The following BIRC6 variants were observed in gnomAD, a reference collection of about 807,000 sequenced individuals.
BIRC6 encodes dual E2 ubiquitin-conjugating enzyme/E3 ubiquitin-protein ligase BIRC6.
In BIRC6, 98 loss-of-function variants were observed where a neutral mutation model predicts 503.3. The observed-to-expected ratio is 0.19, with a 90% CI of 0.17 to 0.23. The LOEUF (loss-of-function observed/expected upper bound fraction) is 0.23. Ranked by LOEUF, BIRC6 falls within the 10% of genes least tolerant of loss-of-function variation. BIRC6 has a pLI of 1.00. For synonymous variants in BIRC6, 2,240 were observed against 2,078.7 expected, an observed-to-expected ratio of 1.08 and a Z score of -2.11; for missense variants, 5,360 against 5,806.0, an observed-to-expected ratio of 0.92 and a Z score of 2.50.
chr2:32,381,318 C>T (rs2037609190), intron 3 of BIRC6, among the ~76,000 whole-genome samples: 1 of 152,198 alleles, frequency 6.6e-6, no homozygotes, highest in South Asian at 2.1e-4. Context: ...CGGCTCACTG[C>T]AACCTCTGCC....
At chr2:32,507,840 A>T in intron 50 of BIRC6, 140 bp from the exon 51 acceptor site, 1 of 716,384 alleles carries the variant, frequency 1.4e-6, no homozygotes, top group Non-Finnish European at 2.2e-6. Flanking sequence ...TTGTCAAACT[A>T]TATTTTGTTG....
intron 49 of BIRC6, among the ~76,000 whole-genome samples, chr2:32,504,350 A>T (rs1271012225): frequency 1.3e-5 from 2 of 151,818 alleles, no homozygotes; most frequent in Non-Finnish European, 2.9e-5. Context: ...AAGGTGAAGG[A>T]TATATTGGAC....
In BIRC6 at chr2:32,501,735, T is replaced by A. The variant is rs2053221864; in HGVS notation, c.9054T>A (p.Thr3018=). ...MIIGASGLHL[T]KHENFHGGLD... ...TAGGAGCAAGTGGATTACATCTCAC[T>A]AAACATGAAAACTTTCATGGTGGGT... The change falls in exon 47 of 74, where the codon ACT becomes ACA. Residue 3018 remains threonine (T), a synonymous_variant. Transcript: ENST00000421745. 5 of 1,612,198 alleles carry A rather than the reference T, an allele frequency of 3.1e-6. No individual in the cohort carries two copies. The highest frequency in any genetic ancestry group is 1.3e-5 in the African/African-American group (1 of 74,788).
chr2:32,567,085 C>T (rs112769635), intron 65 of BIRC6, among the ~76,000 whole-genome samples: 1,646 of 152,312 alleles, frequency 0.011, 34 homozygotes, highest in African/African-American at 0.037. Context: ...ATTCACCTGC[C>T]TCAGCCTCCC....
chr2:32,455,082 AAATTAATT>A (rs1319764002), intron 23 of BIRC6, among the ~76,000 whole-genome samples: 1 of 152,168 alleles, frequency 6.6e-6, no homozygotes, highest in Non-Finnish European at 1.5e-5. Flanking sequence ...AACTGTATTG[AAATTAATT>A]ATCCTGGGCC....
chr2:32,603,202 A>C, intron 71 of BIRC6, 119 bp downstream of exon 71: 1 of 649,286 alleles, frequency 1.5e-6, no homozygotes, highest in East Asian at 3.0e-5. Context: ...ATTACTAGGA[A>C]ATGCATATTA....
intron 16 of BIRC6, 121 bp from the exon 17 acceptor site, chr2:32,441,208 A>G: frequency 1.4e-6 from 1 of 739,004 alleles, no homozygotes; most frequent in African/African-American, 1.8e-5. Flanking sequence ...TATCATTTTA[A>G]CTTGAGATTT....
At position 32,468,382 on chromosome 2, in the gene BIRC6, T is replaced by C. The variant is rs960075328; in HGVS notation, c.5781-55T>C. 13 of 1,371,722 alleles carry C rather than the reference T, an allele frequency of 9.5e-6. No individual in the cohort carries two copies. In the African/African-American group the frequency reaches 1.6e-4, roughly 17 times the overall value. The allele number at this position is 1,371,722 out of a possible 1,614,324, so 85.0% of individuals were successfully genotyped here. A position where few individuals can be genotyped will look rare whatever the true frequency, so the allele number is the denominator to read the frequency against. On this transcript the variant is annotated intron_variant, in intron 28 of 73. Coordinates refer to ENST00000421745, the MANE Select transcript of BIRC6 (RefSeq NM_016252.4). ...AGATTTAATTCTTAGTATTTGTACATGTACATAAAGAGGACATTACAAGAA... is the reference window on the plus strand; with the variant it reads ...AGATTTAATTCTTAGTATTTGTACACGTACATAAAGAGGACATTACAAGAA...
Position 32,467,600 on chromosome 2 carries a change from A to G in BIRC6, c.5432A>G (p.Asp1811Gly), listed in dbSNP as rs1179474612. Residue 1811 changes from aspartate (D) to glycine (G), a missense_variant, in exon 27 of 74, where the codon GAC (aspartate) becomes GGC (glycine). Transcript: ENST00000421745. ...GATGTATTGATTCCCACTTGTGGAG[A>G]CTTGGCCTCTTTGTCAATTGACATT... ...LTDVLIPTCG[D>G]LASLSIDIWT... 2 of 1,613,810 alleles carry G rather than the reference A, an allele frequency of 1.2e-6. No individual in the cohort carries two copies. Among genetic ancestry groups the G allele is most frequent in the Admixed American group, 3.3e-5 (2 of 59,996 alleles).
chr2:32,410,955 C>T (rs189289969), intron 9 of BIRC6, among the ~76,000 whole-genome samples: 102 of 152,308 alleles, frequency 6.7e-4, no homozygotes, highest in African/African-American at 2.4e-3. Context: ...CCTCCTCGGC[C>T]TCCCAAAGTG....
At chr2:32,447,599 G>A (rs1222599779) in intron 21 of BIRC6, among the ~76,000 whole-genome samples, 65 of 111,186 alleles carry the variant, frequency 5.8e-4, no homozygotes, top group African/African-American at 2.3e-3. Context: ...CTGGCCAGGC[G>A]GGGGGCTGAT....
intron 8 of BIRC6, among the ~76,000 whole-genome samples, chr2:32,405,925 T>G (rs1291290735): frequency 6.6e-6 from 1 of 152,228 alleles, no homozygotes; most frequent in East Asian, 1.9e-4. Flanking sequence ...TTCCTACAAA[T>G]GTTATTATGG....
intron 14 of BIRC6, among the ~76,000 whole-genome samples, chr2:32,435,847 G>A (rs1044405685): frequency 1.3e-5 from 2 of 152,094 alleles, no homozygotes; most frequent in African/African-American, 2.4e-5. Flanking sequence ...TGAAAATAAA[G>A]GTGAACTGTA....
chr2:32,594,017 G>C lies in BIRC6; in HGVS notation c.13458G>C (p.Glu4486Asp). The C allele has an allele frequency of 4.3e-6, 7 of 1,613,416 alleles. No individual in the cohort carries two copies. The highest frequency in any genetic ancestry group is 5.1e-6 in the Non-Finnish European group (6 of 1,179,552). ...TACCAGACATCCAAAAGACTGCTGA[G>C]ATAGTTTATGCAGCCACCACCAGTT... is the stretch of plus-strand genomic sequence containing the variant. ...LLVPDIQKTAEIVYAATTSLR... is the reference protein window; with the variant it reads ...LLVPDIQKTADIVYAATTSLR... The change falls in exon 67 of 74, where the codon GAG (glutamate) becomes GAC (aspartate). Residue 4486 changes from glutamate to aspartate, a missense_variant. By Grantham distance (45) the Glu-to-Asp change is conservative. Transcript: ENST00000421745.
chr2:32,509,957 C>T lies in BIRC6; in HGVS notation c.10200C>T (p.Leu3400=), dbSNP rs778740636. Residue 3400 remains leucine, a synonymous_variant, in exon 52 of 74, where the codon CTC becomes CTT. Coordinates refer to ENST00000421745, the MANE Select transcript of BIRC6 (RefSeq NM_016252.4). The part of the protein sequence containing the change: ...TRIGLKLIDI[L]LRNCAASGSD... ...TTGGCCTGAAGCTCATAGACATTCT[C>T]CTGAGAAATTGTGCAGCATCAGGCA... is the stretch of plus-strand genomic sequence containing the variant. 6.8e-6 allele frequency: 11 copies of T among 1,613,810 alleles called. No individual in the cohort carries two copies. The highest frequency in any genetic ancestry group is 2.2e-5 in the South Asian group (2 of 91,082).
At chr2:32,364,546 C>T (rs1277066066) in intron 1 of BIRC6, among the ~76,000 whole-genome samples, 1 of 152,078 alleles carries the variant, frequency 6.6e-6, no homozygotes, top group Non-Finnish European at 1.5e-5. Context: ...CAGCCCTGCT[C>T]AGTGTTCTTA....
chr2:32,515,538 C>T lies in BIRC6; in HGVS notation c.11117C>T (p.Ser3706Phe). Residue 3706 changes from serine to phenylalanine, a missense_variant, in exon 55 of 74, where the codon TCT (serine) becomes TTT (phenylalanine). Ser to Phe is a radical substitution (Grantham distance 155). This residue lies in a region of BIRC6 where 878 missense variants were observed against 928.9 expected (regional missense o/e 0.95). Transcript: ENST00000421745. The part of the protein sequence containing the change: ...SHIMKDWLGG[S>F]EVNPLWTALL... ...ATTATGAAAGATTGGCTTGGTGGTT[C>T]TGAAGTCAATCCACTATGGACAGCA... The T allele has an allele frequency of 6.2e-7, 1 of 1,613,978 alleles. No individual in the cohort carries two copies. Among genetic ancestry groups the T allele is most frequent in the Non-Finnish European group, 8.5e-7 (1 of 1,179,892 alleles).
chr2:32,546,299 G>A (rs549676833), intron 63 of BIRC6, among the ~76,000 whole-genome samples: 1 of 152,242 alleles, frequency 6.6e-6, no homozygotes, highest in South Asian at 2.1e-4. Flanking sequence ...ACCAGAATAG[G>A]CTAGGTGAGG....
intron 8 of BIRC6, among the ~76,000 whole-genome samples, chr2:32,403,541 C>T (rs537824250): frequency 1.7e-3 from 257 of 152,188 alleles, no homozygotes; most frequent in African/African-American, 6.0e-3. Flanking sequence ...AAGATTTCTT[C>T]TAGATGATTC....
Sources: gnomAD v4.1 joint callset for allele counts (sites outside exome capture counted in the v4.1 genomes callset) on GRCh38, gnomAD v4.1.1 for gene constraint, gnomAD v4.1.1 regional missense constraint, MANE v1.5 for transcripts, NCBI Gene and HGNC (gene_info 2026-07-23, HGNC 2026-07-21) for gene names.